The following ABTB3 variants were observed in gnomAD, a reference collection of about 807,000 sequenced individuals.
The protein encoded by ABTB3 is ankyrin repeat and BTB domain containing 3.
chr12:107,613,009 T>C, the ABTB3 span: 125 of 806,190 alleles, frequency 1.6e-4, no homozygotes, highest in Admixed American at 3.0e-3. Flanking sequence ...GTCCTTTTAG[T>C]TGCTGTGGCC....
chr12:107,495,440 C>A, the ABTB3 span, among the ~76,000 whole-genome samples: 1 of 152,194 alleles, frequency 6.6e-6, no homozygotes, highest in Non-Finnish European at 1.5e-5. Context: ...GGGAGGCCTG[C>A]AGAGGGGGCT....
At chr12:107,657,588 C>T in the ABTB3 span, 1 of 1,614,222 alleles carries the variant, frequency 6.2e-7, no homozygotes, top group Non-Finnish European at 8.5e-7. Flanking sequence ...GAAAACGAAG[C>T]ATTCAAGCAG....
At chr12:107,618,106 C>A in the ABTB3 span, 1 of 1,565,916 alleles carries the variant, frequency 6.4e-7, no homozygotes, top group Non-Finnish European at 8.7e-7. Flanking sequence ...CCTGCCCCAG[C>A]AGATCCACTT....
the ABTB3 span, among the ~76,000 whole-genome samples, chr12:107,343,561 G>C: frequency 6.6e-6 from 1 of 152,188 alleles, no homozygotes; most frequent in East Asian, 1.9e-4. Flanking sequence ...GCTTAAACAA[G>C]GTAGGGAGTT....
chr12:107,410,262 A>G, the ABTB3 span, among the ~76,000 whole-genome samples: 1 of 150,242 alleles, frequency 6.7e-6, no homozygotes, highest in Non-Finnish European at 1.5e-5. Flanking sequence ...TACGCTAAGG[A>G]ACGGGGGCAG....
chr12:107,569,135 A>T, the ABTB3 span, among the ~76,000 whole-genome samples: 1 of 152,186 alleles, frequency 6.6e-6, no homozygotes, highest in African/African-American at 2.4e-5. Flanking sequence ...TCCACCACCC[A>T]ATGACAAGGA....
At chr12:107,533,085 GT>G in the ABTB3 span, among the ~76,000 whole-genome samples, 200 of 152,068 alleles carry the variant, frequency 1.3e-3, 2 homozygotes, top group African/African-American at 4.6e-3. Flanking sequence ...ACACATGAAT[GT>G]ATAAAACTCA....
the ABTB3 span, among the ~76,000 whole-genome samples, chr12:107,440,060 C>T: frequency 6.6e-6 from 1 of 152,164 alleles, no homozygotes; most frequent in Admixed American, 6.5e-5. Context: ...GAAGTCTTGT[C>T]TGGTTCATTA....
At chr12:107,336,171 A>G in the ABTB3 span, among the ~76,000 whole-genome samples, 1 of 152,238 alleles carries the variant, frequency 6.6e-6, no homozygotes, top group African/African-American at 2.4e-5. Flanking sequence ...CTTCCATGCC[A>G]AAGTGCTTGT....
At chr12:107,657,637 T>A in the ABTB3 span, 1 of 1,614,052 alleles carries the variant, frequency 6.2e-7, no homozygotes, top group Non-Finnish European at 8.5e-7. Flanking sequence ...CCGGCCAGGA[T>A]GTGCTCCAGG....
the ABTB3 span, among the ~76,000 whole-genome samples, chr12:107,648,466 C>A: frequency 6.6e-6 from 1 of 151,736 alleles, no homozygotes; most frequent in Non-Finnish European, 1.5e-5. Context: ...AAAATTAACA[C>A]CCAGTTGTCC....
the ABTB3 span, among the ~76,000 whole-genome samples, chr12:107,567,900 A>C: frequency 6.6e-6 from 1 of 152,180 alleles, no homozygotes; most frequent in Non-Finnish European, 1.5e-5. Flanking sequence ...GGTGCCAAAA[A>C]GATTGGGGAC....
At chr12:107,639,506 G>A in the ABTB3 span, among the ~76,000 whole-genome samples, 1 of 152,092 alleles carries the variant, frequency 6.6e-6, no homozygotes, top group African/African-American at 2.4e-5. Context: ...AATATCAAAG[G>A]GAATAGAGGG....
chr12:107,541,182 C>T, the ABTB3 span, among the ~76,000 whole-genome samples: 1 of 152,200 alleles, frequency 6.6e-6, no homozygotes, highest in African/African-American at 2.4e-5. Flanking sequence ...AACAGGAAGC[C>T]AGGAGATGAG....
the ABTB3 span, among the ~76,000 whole-genome samples, chr12:107,516,328 T>G: frequency 1.3e-5 from 2 of 151,968 alleles, no homozygotes; most frequent in Non-Finnish European, 2.9e-5. Context: ...CCTCCCGAGT[T>G]CAAGTGATTT....
chr12:107,389,833 C>A, the ABTB3 span, among the ~76,000 whole-genome samples: 1 of 115,292 alleles, frequency 8.7e-6, no homozygotes, highest in Non-Finnish European at 1.7e-5. Flanking sequence ...GATGCTGGGG[C>A]ATGTGTGTGT....
chr12:107,494,196 G>T, the ABTB3 span, among the ~76,000 whole-genome samples: 11 of 152,174 alleles, frequency 7.2e-5, no homozygotes, highest in Non-Finnish European at 1.5e-4. Context: ...ATGAGCATTG[G>T]ATCCTGAGTC....
chr12:107,338,685 AGTT>A, the ABTB3 span, among the ~76,000 whole-genome samples: 1 of 152,310 alleles, frequency 6.6e-6, no homozygotes, highest in Middle Eastern at 3.4e-3. Flanking sequence ...GGACATATGA[AGTT>A]GTTCTGTCCC....
At chr12:107,617,566 C>T in the ABTB3 span, 1 of 1,236,152 alleles carries the variant, frequency 8.1e-7, no homozygotes, top group Non-Finnish European at 1.1e-6. Flanking sequence ...GGTCCAGGCC[C>T]CAGGTCTGGC....
Sources: allele counts gnomAD v4.1 joint callset (sites outside exome capture counted in the v4.1 genomes callset), GRCh38; gene constraint gnomAD v4.1.1; transcripts MANE v1.5; gene names NCBI Gene and HGNC (gene_info 2026-07-23, HGNC 2026-07-21).